Variants in NEDD4L observed in about 807,000 individuals in gnomAD.
The protein encoded by NEDD4L is NEDD4 like E3 ubiquitin protein ligase.
A neutral mutation model predicts 148.9 loss-of-function variants in NEDD4L; 54 were observed. The ratio of observed to expected loss-of-function variants is 0.36; its 90% CI spans 0.29 to 0.45. The LOEUF (loss-of-function observed/expected upper bound fraction) is 0.45. Among genes scored for constraint, NEDD4L ranks in the 20% least tolerant of loss-of-function variants. The pLI, the probability that NEDD4L is intolerant of heterozygous loss-of-function variation, is 1.00. For missense variants in NEDD4L, 856 were observed against 1,233.8 expected, an observed-to-expected ratio of 0.69 and a Z score of 4.59; for synonymous variants, 433 against 440.7, an observed-to-expected ratio of 0.98 and a Z score of 0.22.
At chr18:58,208,008 A>C (rs1234481127) in intron 2 of NEDD4L, among the ~76,000 whole-genome samples, 1 of 152,100 alleles carries the variant, frequency 6.6e-6, no homozygotes, top group Admixed American at 6.5e-5. Flanking sequence ...ATGCCACTGC[A>C]CTCCAGCCTG....
chr18:58,244,667 GT>G (rs138752736), intron 2 of NEDD4L, among the ~76,000 whole-genome samples: 1,810 of 150,876 alleles, frequency 0.012, 43 homozygotes, highest in African/African-American at 0.042. Context: ...GTTTTGATTT[GT>G]TTTTTTATGT....
intron 2 of NEDD4L, among the ~76,000 whole-genome samples, chr18:58,176,846 C>T (rs532818592): frequency 1.3e-5 from 2 of 152,324 alleles, no homozygotes; most frequent in African/African-American, 4.8e-5. Flanking sequence ...ATGCTGGGGT[C>T]ACTGAGTCTG....
chr18:58,135,109 A>G (rs948883003), intron 1 of NEDD4L, among the ~76,000 whole-genome samples: 2 of 150,980 alleles, frequency 1.3e-5, no homozygotes, highest in Non-Finnish European at 2.9e-5. Flanking sequence ...CCATCTCCTT[A>G]AAGGCAAGGG....
At chr18:58,252,167 A>C in intron 5 of NEDD4L, 113 bp downstream of exon 5, 1 of 721,040 alleles carries the variant, frequency 1.4e-6, no homozygotes, top group Non-Finnish European at 2.5e-6. Context: ...ATATGTGCCC[A>C]AAAAGAAGAC....
At chr18:58,285,326 G>GGTGTGTGT (rs56971358) in intron 5 of NEDD4L, among the ~76,000 whole-genome samples, 4 of 150,556 alleles carry the variant, frequency 2.7e-5, no homozygotes, top group African/African-American at 9.7e-5. Flanking sequence ...TGTGTGTGTG[G>GGTGTGTGT]GTGTGTGTGT....
chr18:58,368,670 A>G (rs1421690813), intron 22 of NEDD4L, among the ~76,000 whole-genome samples: 1 of 152,250 alleles, frequency 6.6e-6, no homozygotes, highest in Non-Finnish European at 1.5e-5. Context: ...ATTCTAATAA[A>G]TAATTTGTAT....
At chr18:58,321,270 G>A (rs1346922227) in intron 6 of NEDD4L, among the ~76,000 whole-genome samples, 1 of 152,246 alleles carries the variant, frequency 6.6e-6, no homozygotes, top group African/African-American at 2.4e-5. Flanking sequence ...GCTGATGGTG[G>A]GAACTCTAAA....
chr18:58,313,492 G>A (rs1008234316), intron 5 of NEDD4L, among the ~76,000 whole-genome samples: 6 of 152,130 alleles, frequency 3.9e-5, no homozygotes, highest in Non-Finnish European at 7.4e-5. Context: ...CATCTACACC[G>A]TTTAAAGCCA....
At chr18:58,092,486 G>A (rs2084129986) in intron 1 of NEDD4L, among the ~76,000 whole-genome samples, 1 of 152,168 alleles carries the variant, frequency 6.6e-6, no homozygotes, top group Admixed American at 6.5e-5. Context: ...TGCTGAACGG[G>A]TGGGGAAGGA....
At chr18:58,084,671 T>TTGTGTGGGTGGGTG (rs372571146) in intron 1 of NEDD4L, among the ~76,000 whole-genome samples, 210 of 133,824 alleles carry the variant, frequency 1.6e-3, no homozygotes, top group Non-Finnish European at 2.5e-3. Flanking sequence ...TGTGGGGTTT[T>TTGTGTGGGTGGGTG]TGTGTGTGTG....
chr18:58,364,241 A>C, intron 19 of NEDD4L, 27 bp from the exon 20 acceptor site: 1 of 1,365,350 alleles, frequency 7.3e-7, no homozygotes, highest in African/African-American at 1.4e-5. Flanking sequence ...TGTTTGCATT[A>C]TCTATATTTA....
chr18:58,148,599 C>T (rs1203031638), intron 1 of NEDD4L, among the ~76,000 whole-genome samples: 3 of 152,306 alleles, frequency 2.0e-5, no homozygotes, highest in African/African-American at 7.2e-5. Context: ...TGCATACATC[C>T]GAAGCCCCAG....
At chr18:58,273,496 C>T (rs2051388153) in intron 5 of NEDD4L, among the ~76,000 whole-genome samples, 1 of 152,174 alleles carries the variant, frequency 6.6e-6, no homozygotes, top group South Asian at 2.1e-4. Context: ...GAGATATAGA[C>T]ACGGTAGAGT....
chr18:58,270,639 G>A (rs2050901764), intron 5 of NEDD4L, among the ~76,000 whole-genome samples: 1 of 152,144 alleles, frequency 6.6e-6, no homozygotes, highest in South Asian at 2.1e-4. Flanking sequence ...GCCTAGTAAG[G>A]TATATAGCCT....
intron 25 of NEDD4L, among the ~76,000 whole-genome samples, chr18:58,383,803 A>G (rs1201975738): frequency 6.6e-6 from 1 of 152,248 alleles, no homozygotes; most frequent in Non-Finnish European, 1.5e-5. Flanking sequence ...TATTTGTAAT[A>G]TTCTTAACTC....
intron 2 of NEDD4L, among the ~76,000 whole-genome samples, chr18:58,215,212 C>T (rs139883965): frequency 2.0e-5 from 3 of 152,300 alleles, no homozygotes; most frequent in South Asian, 2.1e-4. Context: ...TGTTCATAGA[C>T]GTTGGGAAAT....
chr18:58,093,435 C>T (rs2084196385), intron 1 of NEDD4L, among the ~76,000 whole-genome samples: 2 of 152,206 alleles, frequency 1.3e-5, no homozygotes, highest in South Asian at 4.2e-4. Flanking sequence ...TTATATTTGT[C>T]CCTTAGGCTA....
intron 30 of NEDD4L, among the ~76,000 whole-genome samples, chr18:58,395,311 A>G (rs912871749): frequency 7.9e-5 from 12 of 152,106 alleles, no homozygotes; most frequent in African/African-American, 2.7e-4. Flanking sequence ...ACATACAGTA[A>G]ATGTTGAAAG....
intron 25 of NEDD4L, 96 bp downstream of exon 25, chr18:58,383,415 G>T: frequency 2.8e-6 from 2 of 720,986 alleles, no homozygotes; most frequent in Non-Finnish European, 4.8e-6. Flanking sequence ...TTTATTATGG[G>T]CATGAGTTTA....
Sources: gnomAD v4.1 joint callset for allele counts (sites outside exome capture counted in the v4.1 genomes callset) on GRCh38, gnomAD v4.1.1 for gene constraint, MANE v1.5 for transcripts, NCBI Gene and HGNC (gene_info 2026-07-23, HGNC 2026-07-21) for gene names.